The following DKKL1 variants were observed in gnomAD, a reference collection of about 807,000 sequenced individuals.
DKKL1 encodes dickkopf-like protein 1.
In DKKL1, 11 loss-of-function variants were observed where a neutral mutation model predicts 16.5. That is an observed-to-expected ratio of 0.67 (90% CI 0.42 to 1.10). The LOEUF is 1.10. Among genes scored for constraint, DKKL1 ranks in the 50% least tolerant of loss-of-function variants. The probability of loss-of-function intolerance (pLI) is 0.00; values close to 1 mark genes in which losing one functional copy is unlikely to be tolerated. For synonymous variants in DKKL1, 119 were observed against 133.2 expected (o/e 0.89, Z 0.73); for missense variants, 320 against 308.1 (o/e 1.04, Z -0.29).
At position 49,365,530 on chromosome 19, in the gene DKKL1, G is replaced by A. The variant is rs757494010; in HGVS notation, c.205G>A (p.Asp69Asn). 3.1e-6 allele frequency: 5 copies of A among 1,611,634 alleles called. No individual in the cohort carries two copies. The highest frequency in any genetic ancestry group is 4.2e-6 in the Non-Finnish European group (5 of 1,178,774). The part of the protein sequence containing the change: ...FLKGNLLRGI[D>N]SLFSAPMDFR... ...CCAGGGTAACCTGCTTCGGGGCATA[G>A]ACAGCTTATTCTCTGCCCCCATGGA... The change falls in exon 3 of 5, where the codon GAC (aspartate) becomes AAC (asparagine). Residue 69 changes from aspartate (D) to asparagine (N), a missense_variant. Asp to Asn is a conservative substitution (Grantham distance 23). Transcript: ENST00000221498.
At chr19:49,364,312 A>T (rs1973157869) in intron 1 of DKKL1, among the ~76,000 whole-genome samples, 1 of 146,750 alleles carries the variant, frequency 6.8e-6, no homozygotes. Flanking sequence ...TGATTGTGCC[A>T]CTGTACTCCA....
upstream of DKKL1, chr19:49,362,551 A>T (rs369035125): frequency 1.9e-4 from 29 of 151,636 alleles, no homozygotes; most frequent in Admixed American, 9.9e-4. Flanking sequence ...TTTGGGAGAG[A>T]TTAGTCTATC....
upstream of DKKL1, chr19:49,361,555 G>A (rs1972936140): frequency 6.6e-6 from 1 of 152,124 alleles, no homozygotes; most frequent in Non-Finnish European, 1.5e-5. Flanking sequence ...ACCCCCATCA[G>A]GGGAGGGGCT....
intron 4 of DKKL1, among the ~76,000 whole-genome samples, chr19:49,366,185 CCTTCCAAAGTGCTGGGATTACAGG>C (rs1409966429): frequency 6.6e-6 from 1 of 152,116 alleles, no homozygotes; most frequent in Non-Finnish European, 1.5e-5. Flanking sequence ...CCCATCTTGG[CCTTCCAAAGTGCTGGGATTACAGG>C]CATGAGCCAC....
At chr19:49,371,627 T>C (rs1422435792) in intron 4 of DKKL1, among the ~76,000 whole-genome samples, 2 of 150,212 alleles carry the variant, frequency 1.3e-5, no homozygotes, top group Non-Finnish European at 2.9e-5. Flanking sequence ...ATTTTTATGT[T>C]TTTTTAAATT....
At chr19:49,364,523 G>A (rs1600829584) in intron 1 of DKKL1, 59 bp from the exon 2 acceptor site, 2 of 1,486,130 alleles carry the variant, frequency 1.3e-6, no homozygotes, top group East Asian at 2.3e-5. Context: ...GCTGGAGAGG[G>A]GCGTCTTGGG....
At chr19:49,360,616 A>G (rs1255931224), upstream of DKKL1, among the ~76,000 whole-genome samples, 1 of 152,042 alleles carries the variant, frequency 6.6e-6, no homozygotes, top group Middle Eastern at 3.2e-3. Context: ...GTGGTGGGGA[A>G]GGAAGGTGTG....
Position 49,365,496 on chromosome 19 carries a change from C to A in DKKL1, c.184-13C>A. On this transcript the variant is annotated splice_polypyrimidine_tract_variant and intron_variant, in intron 2 of 4. Coordinates refer to ENST00000221498, the MANE Select transcript of DKKL1 (RefSeq NM_014419.4). ...GAGGTCCAGCAGCTCACCAGTCCCT[C>A]CTCCGGCCCCAGGGTAACCTGCTTC... is the stretch of plus-strand genomic sequence containing the variant. The A allele has an allele frequency of 6.3e-7, 1 of 1,586,734 alleles. No individual in the cohort carries two copies. The highest frequency in any genetic ancestry group is 8.6e-7 in the Non-Finnish European group (1 of 1,164,114).
Position 49,375,106 on chromosome 19 carries a change from C to A in DKKL1, c.*78C>A. On this transcript the variant is annotated 3_prime_UTR_variant, in exon 5 of 5. Coordinates refer to ENST00000221498, the MANE Select transcript of DKKL1 (RefSeq NM_014419.4). ...GCACCATATGGAAATAAAGTTCTTT[C>A]TTACATCTAACAACACCATCTCCTT... 1 of 1,444,610 alleles carries A rather than the reference C, an allele frequency of 6.9e-7. No homozygotes were observed. Among genetic ancestry groups the A allele is most frequent in the Non-Finnish European group, 9.2e-7 (1 of 1,084,372 alleles). The allele number at this position is 1,444,610 out of a possible 1,614,324, so 89.5% of individuals were successfully genotyped here.
At chr19:49,361,646 A>C (rs961433856), upstream of DKKL1, 1 of 152,256 alleles carries the variant, frequency 6.6e-6, no homozygotes, top group Admixed American at 6.5e-5. Flanking sequence ...ATCCAACTCA[A>C]GTTCCCAGTG....
upstream of DKKL1, chr19:49,362,428 T>C (rs1223165138): frequency 6.6e-6 from 1 of 151,938 alleles, no homozygotes; most frequent in Admixed American, 6.6e-5. Flanking sequence ...AGGGAGAAAG[T>C]TGCCGGGAGC....
intron 1 of DKKL1, 37 bp downstream of exon 1, chr19:49,364,045 G>C: frequency 6.2e-7 from 1 of 1,611,558 alleles, no homozygotes; most frequent in Middle Eastern, 1.7e-4. Context: ...GTGGGCGAAA[G>C]TGAGGAAAAG....
chr19:49,366,027 AG>A, intron 4 of DKKL1, 142 bp downstream of exon 4: 1 of 708,592 alleles, frequency 1.4e-6, no homozygotes, highest in Middle Eastern at 3.3e-4. Flanking sequence ...TCCGAAGTTC[AG>A]GCAATTCTCC....
chr19:49,367,932 T>G (rs758600621), intron 4 of DKKL1, among the ~76,000 whole-genome samples: 4 of 152,108 alleles, frequency 2.6e-5, no homozygotes, highest in Non-Finnish European at 4.4e-5. Flanking sequence ...TCCTAGCAAT[T>G]TGGGAGGCTG....
rs1450294106 is a variant in DKKL1, at chr19:49,375,102, C to A, written c.*74C>A. The A allele has an allele frequency of 8.2e-6, 12 of 1,456,574 alleles. No individual in the cohort carries two copies. The Admixed American group carries it at 1.6e-4, about 20-fold the overall frequency. 90.2% of individuals were successfully genotyped at this position (1,456,574 alleles called of 1,614,324 possible). A position where few individuals can be genotyped will look rare whatever the true frequency, so the allele number is the denominator to read the frequency against. On this transcript the variant is annotated 3_prime_UTR_variant, in exon 5 of 5. Transcript: ENST00000221498. The stretch of plus-strand genomic sequence containing the variant: ...CCAAGCACCATATGGAAATAAAGTT[C>A]TTTCTTACATCTAACAACACCATCT...
At position 49,363,901 on chromosome 19, in the gene DKKL1, G is replaced by C. The variant is rs540397263; in HGVS notation, c.-98G>C. ...CAGACCTGGGCTCGAGACCATAACT[G>C]TTTGGCTTTAACAGTACGTGGGCGG... On this transcript the variant is annotated 5_prime_UTR_variant, in exon 1 of 5. Coordinates refer to ENST00000221498, the MANE Select transcript of DKKL1 (RefSeq NM_014419.4). 5.9e-6 allele frequency: 9 copies of C among 1,536,400 alleles called. No homozygotes were observed. The South Asian group carries it at 8.2e-5, about 14-fold the overall frequency.
Position 49,365,784 on chromosome 19 carries a change from T to G in DKKL1, c.325-9T>G. On this transcript the variant is annotated splice_polypyrimidine_tract_variant and intron_variant, in intron 3 of 4. Transcript: ENST00000221498. ...GGTTTGCTCTCACTCTCTCATCGGA[T>G]CCTCACAGATGACCGACAACAAGAC... 1.2e-6 allele frequency: 2 copies of G among 1,613,402 alleles called. No individual in the cohort carries two copies. Among genetic ancestry groups the G allele is most frequent in the Non-Finnish European group, 1.7e-6 (2 of 1,179,680 alleles).
intron 4 of DKKL1, among the ~76,000 whole-genome samples, chr19:49,374,516 C>T (rs926518278): frequency 2.6e-5 from 4 of 152,186 alleles, no homozygotes; most frequent in African/African-American, 9.7e-5. Context: ...AACAAATTTT[C>T]CAATCCCAAA....
At chr19:49,369,767 G>C (rs1309169459) in intron 4 of DKKL1, 2 of 154,248 alleles carry the variant, frequency 1.3e-5, no homozygotes, top group Non-Finnish European at 2.9e-5. Flanking sequence ...GCACGGCTCT[G>C]TGGCTCACCT....
Sources: allele counts gnomAD v4.1 joint callset (sites outside exome capture counted in the v4.1 genomes callset), GRCh38; gene constraint gnomAD v4.1.1; transcripts MANE v1.5; gene names NCBI Gene and HGNC (gene_info 2026-07-23, HGNC 2026-07-21).